TSHZ2: variants seen among roughly 807,000 people sequenced by gnomAD.
TSHZ2 encodes the protein teashirt zinc finger homeobox 2, also known as teashirt homolog 2.
TSHZ2 carries 21 observed loss-of-function variants against 74.4 expected under a neutral mutation model. The observed-to-expected ratio is 0.28, with a 90% CI of 0.20 to 0.41. The LOEUF (loss-of-function observed/expected upper bound fraction) is 0.41. Among genes scored for constraint, TSHZ2 ranks in the 10% least tolerant of loss-of-function variants. TSHZ2 has a pLI of 1.00. For missense variants in TSHZ2, 1,244 were observed against 1,293.5 expected (o/e 0.96, Z 0.59); for synonymous variants, 540 against 515.3 (o/e 1.05, Z -0.65).
intron 2 of TSHZ2, among the ~76,000 whole-genome samples, chr20:53,377,791 A>C (rs1296525788): frequency 6.6e-6 from 1 of 152,176 alleles, no homozygotes; most frequent in Admixed American, 6.5e-5. Context: ...TGAGCTCAGC[A>C]GGTCGAGGCT....
intron 2 of TSHZ2, among the ~76,000 whole-genome samples, chr20:53,423,383 C>G (rs1432825627): frequency 6.6e-6 from 1 of 150,438 alleles, no homozygotes; most frequent in Non-Finnish European, 1.5e-5. Flanking sequence ...GGTTCCATCT[C>G]AAAAAAAACA....
chr20:53,123,573 T>C (rs16997562), intron 1 of TSHZ2, among the ~76,000 whole-genome samples: 2,024 of 152,174 alleles, frequency 0.013, 21 homozygotes, highest in Non-Finnish European at 0.019. Flanking sequence ...CCTGAACAAG[T>C]CCATTCAGGT....
At chr20:53,136,576 G>A (rs1383895418) in intron 1 of TSHZ2, among the ~76,000 whole-genome samples, 2 of 152,126 alleles carry the variant, frequency 1.3e-5, no homozygotes, top group African/African-American at 4.8e-5. Flanking sequence ...TATAGAAGAG[G>A]AACCTGTAAC....
At chr20:53,165,547 C>T (rs950937667) in intron 1 of TSHZ2, among the ~76,000 whole-genome samples, 1 of 152,224 alleles carries the variant, frequency 6.6e-6, no homozygotes, top group Non-Finnish European at 1.5e-5. Context: ...AAAAGTGGCT[C>T]TTTCACTTTT....
rs143724013 is a variant in TSHZ2 at position 53,469,045 on chromosome 20, TTATATATATATATATA to T, written c.*9-18075_*9-18060del. Among the ~76,000 whole-genome samples the T allele has an allele frequency of 2.1e-3, 101 of 49,130 alleles. 7 individuals carry two copies. Among genetic ancestry groups the T allele is most frequent in the East Asian group, 4.0e-3 (5 of 1,236 alleles). 32.2% of individuals were successfully genotyped at this position (49,130 alleles called of 152,430 possible). On this transcript the variant is annotated intron_variant, in intron 2 of 2. Transcript: ENST00000371497. ...ACCTAAAGGCTCTGAAATCGATATT[TTATATATATATATATA>T]TATATATATATATATATATATATGT...
chr20:52,997,015 G>C (rs979635304), intron 1 of TSHZ2, among the ~76,000 whole-genome samples: 7 of 152,122 alleles, frequency 4.6e-5, no homozygotes, highest in Admixed American at 1.3e-4. Context: ...AAGCACGAGG[G>C]GGTGGCATGC....
chr20:53,296,035 CAA>C (rs35311773), intron 2 of TSHZ2, among the ~76,000 whole-genome samples: 13,047 of 97,596 alleles, frequency 0.13, 592 homozygotes, highest in Middle Eastern at 0.18. Context: ...GTAATGACTG[CAA>C]AAAAAAAAAA....
intron 1 of TSHZ2, among the ~76,000 whole-genome samples, chr20:53,226,566 G>T (rs1346169214): frequency 1.3e-5 from 2 of 152,070 alleles, no homozygotes; most frequent in Non-Finnish European, 1.5e-5. Context: ...TTTAATAGAT[G>T]TGTGTGAAAC....
At chr20:53,258,337 T>C (rs1990526811) in intron 2 of TSHZ2, among the ~76,000 whole-genome samples, 1 of 152,084 alleles carries the variant, frequency 6.6e-6, no homozygotes. Context: ...TTAAATAACT[T>C]GCCATTATGT....
intron 1 of TSHZ2, among the ~76,000 whole-genome samples, chr20:52,975,725 A>G (rs1041808455): frequency 6.6e-6 from 1 of 152,206 alleles, no homozygotes; most frequent in African/African-American, 2.4e-5. Flanking sequence ...ACATATTAAT[A>G]GAGGAGACAG....
chr20:53,129,468 A>C (rs1375845382), intron 1 of TSHZ2, among the ~76,000 whole-genome samples: 1 of 152,214 alleles, frequency 6.6e-6, no homozygotes, highest in Admixed American at 6.5e-5. Context: ...GCAACTTACA[A>C]AATAGTGTGT....
At chr20:53,317,924 T>C (rs915370497) in intron 2 of TSHZ2, among the ~76,000 whole-genome samples, 2 of 152,354 alleles carry the variant, frequency 1.3e-5, no homozygotes, top group South Asian at 4.1e-4. Flanking sequence ...ACAATGTCTA[T>C]GGCCTCAACA....
At chr20:53,078,348 A>T (rs1985427980) in intron 1 of TSHZ2, among the ~76,000 whole-genome samples, 1 of 152,224 alleles carries the variant, frequency 6.6e-6, no homozygotes, top group South Asian at 2.1e-4. Context: ...AATTTTGAGT[A>T]ATACTTGTTC....
chr20:53,460,172 T>C (rs1460084775), intron 2 of TSHZ2, among the ~76,000 whole-genome samples: 1 of 151,842 alleles, frequency 6.6e-6, no homozygotes, highest in Non-Finnish European at 1.5e-5. Context: ...GGTTCCATTC[T>C]CCCCATCACT....
chr20:53,388,969 C>T (rs1982153518), intron 2 of TSHZ2, among the ~76,000 whole-genome samples: 1 of 152,168 alleles, frequency 6.6e-6, no homozygotes, highest in Non-Finnish European at 1.5e-5. Flanking sequence ...GCTACTTTCA[C>T]TTATATTATG....
At chr20:53,171,532 C>A (rs1036988983) in intron 1 of TSHZ2, among the ~76,000 whole-genome samples, 6 of 141,638 alleles carry the variant, frequency 4.2e-5, no homozygotes, top group Non-Finnish European at 9.1e-5. Context: ...ATCCTAAATG[C>A]ATTACCTTCT....
Position 53,255,242 on chromosome 20 carries a change from C to T in TSHZ2, c.1784C>T (p.Ala595Val), listed in dbSNP as rs138624451. The change falls in exon 2 of 3, where the codon GCC becomes GTC. Residue 595 changes from alanine (A) to valine (V), a missense_variant. Physicochemically the swap from Ala to Val is moderately conservative, Grantham distance 64. Around this residue, in one of 6 missense-constraint regions of TSHZ2, gnomAD observed 562 missense variants for 544.0 expected, o/e 1.03. Transcript: ENST00000371497. The surrounding 1 kb of genome is among the most constrained non-coding windows in gnomAD (Gnocchi z 4.1). ...CTGGTTTCTATGCCCACACACCTGG[C>T]CCCTTACACTCAAGTCAAGAAAGAG... ...MPLVSMPTHL[A>V]PYTQVKKESE... is the part of the protein sequence containing the mutation. 1.1e-4 allele frequency: 179 copies of T among 1,614,190 alleles called. No individual in the cohort carries two copies. The highest frequency in any genetic ancestry group is 6.6e-4 in the Middle Eastern group (4 of 6,062).
At chr20:53,089,490 C>T (rs1453980010) in intron 1 of TSHZ2, among the ~76,000 whole-genome samples, 2 of 152,022 alleles carry the variant, frequency 1.3e-5, no homozygotes, top group Admixed American at 1.3e-4. Context: ...TCAACAAAAA[C>T]TTTATGAAGT....
chr20:53,042,485 T>C (rs1984076440), intron 1 of TSHZ2, among the ~76,000 whole-genome samples: 1 of 152,138 alleles, frequency 6.6e-6, no homozygotes, highest in Non-Finnish European at 1.5e-5. Flanking sequence ...ATTCTGACAA[T>C]GCTTTGAAAG....
Sources: allele counts gnomAD v4.1 joint callset (sites outside exome capture counted in the v4.1 genomes callset), GRCh38; gene constraint gnomAD v4.1.1; regional missense constraint gnomAD v4.1.1; non-coding constraint Gnocchi (gnomAD v3.1); transcripts MANE v1.5; gene names NCBI Gene and HGNC (gene_info 2026-07-23, HGNC 2026-07-21).